Variants in NXPE1 observed in about 807,000 individuals in gnomAD.
NXPE1 encodes the protein NXPE family member 1.
In NXPE1, 31 loss-of-function variants were observed where a neutral mutation model predicts 33.3. That is an observed-to-expected ratio of 0.93 (90% CI 0.70 to 1.26). NXPE1 has a LOEUF of 1.26. Among genes scored for constraint, NXPE1 ranks in the 50% most tolerant of loss-of-function variants. NXPE1 has a pLI of 0.00. For synonymous variants in NXPE1, 229 were observed against 231.4 expected (o/e 0.99, Z 0.09); for missense variants, 661 against 655.6 (o/e 1.01, Z -0.09).
chr11:114,551,047 C>T (rs76481835), intron 5 of NXPE1, 56 bp downstream of exon 5: 20 of 931,934 alleles, frequency 2.1e-5, no homozygotes, highest in African/African-American at 1.5e-4. Flanking sequence ...ACTTGAGGCA[C>T]GTCACACAGG....
At chr11:114,522,115 A>G in exon 9 of NXPE1, 2 of 1,614,126 alleles carry the variant, frequency 1.2e-6, no homozygotes, top group Non-Finnish European at 1.7e-6. Flanking sequence ...TCATGATAAG[A>G]TAGTGAATAT....
chr11:114,524,792 T>A (rs1947319379), intron 7 of NXPE1, among the ~76,000 whole-genome samples: 1 of 152,184 alleles, frequency 6.6e-6, no homozygotes, highest in South Asian at 2.1e-4. Flanking sequence ...TTATAACAAA[T>A]TTGCTTATGA....
intron 1 of NXPE1, among the ~76,000 whole-genome samples, chr11:114,559,531 TAG>T (rs896731034): frequency 5.3e-5 from 8 of 152,162 alleles, no homozygotes; most frequent in Non-Finnish European, 1.2e-4. Flanking sequence ...GGTTGGTTAT[TAG>T]AGAAATATTT....
At chr11:114,551,204 C>A in exon 5 of NXPE1, 1 of 1,521,074 alleles carries the variant, frequency 6.6e-7, no homozygotes, top group South Asian at 1.2e-5. Flanking sequence ...GAGGACATGA[C>A]GAATGTCCTA....
At chr11:114,536,700 T>G (rs1947839552) in intron 5 of NXPE1, among the ~76,000 whole-genome samples, 1 of 152,224 alleles carries the variant, frequency 6.6e-6, no homozygotes, top group African/African-American at 2.4e-5. Flanking sequence ...GATAAATTCC[T>G]TGACACATAC....
intron 3 of NXPE1, 96 bp from the exon 4 acceptor site, chr11:114,551,537 C>G (rs74210190): frequency 1.8e-5 from 7 of 388,226 alleles, no homozygotes; most frequent in Non-Finnish European, 2.2e-5. Context: ...AAGCAGAAAA[C>G]TTAATTCATC....
chr11:114,544,182 A>G (rs1663348096), intron 5 of NXPE1, among the ~76,000 whole-genome samples: 1 of 152,202 alleles, frequency 6.6e-6, no homozygotes, highest in Non-Finnish European at 1.5e-5. Context: ...TTGATTCAAT[A>G]CCATTTCAAT....
intron 6 of NXPE1, chr11:114,529,914 T>C (rs1947513619): frequency 2.3e-6 from 1 of 428,280 alleles, no homozygotes; most frequent in African/African-American, 2.0e-5. Context: ...CATACACTTA[T>C]CAAGGAATCT....
intron 5 of NXPE1, among the ~76,000 whole-genome samples, chr11:114,539,569 T>C (rs2135037365): frequency 6.6e-6 from 1 of 152,322 alleles, no homozygotes; most frequent in South Asian, 2.1e-4. Flanking sequence ...CTTAACATGA[T>C]AAAGTTGTTA....
chr11:114,537,082 G>A (rs143022243), intron 5 of NXPE1, among the ~76,000 whole-genome samples: 2,085 of 152,168 alleles, frequency 0.014, 50 homozygotes, highest in African/African-American at 0.048. Flanking sequence ...CTTATCCACC[G>A]TGATCAAATG....
At position 114,558,324 on chromosome 11, in the gene NXPE1, G is replaced by T. The variant is rs373474426; in HGVS notation, c.-211+1474C>A. 1.2e-4 allele frequency among the ~76,000 whole-genome samples: 18 copies of T among 151,936 alleles called. No homozygotes were observed. In the East Asian group the frequency reaches 1.3e-3, roughly 11 times the overall value. On this transcript the variant is annotated intron_variant, in intron 1 of 8. Coordinates refer to ENST00000534921, the Ensembl canonical transcript of NXPE1. ...GAAATGCAAGTGCTTTATTTTAATAGTGCTTTTATATAGGCACACATAGAG... is the reference window on the plus strand; with the variant it reads ...GAAATGCAAGTGCTTTATTTTAATATTGCTTTTATATAGGCACACATAGAG...
At chr11:114,523,726 G>A (rs1419064844) in intron 7 of NXPE1, among the ~76,000 whole-genome samples, 5 of 152,150 alleles carry the variant, frequency 3.3e-5, no homozygotes, top group Non-Finnish European at 7.4e-5. Flanking sequence ...CAGGTAGGTA[G>A]CAGTGAAGCA....
At chr11:114,533,870 A>G (rs920858743) in intron 5 of NXPE1, among the ~76,000 whole-genome samples, 1 of 152,342 alleles carries the variant, frequency 6.6e-6, no homozygotes, top group African/African-American at 2.4e-5. Context: ...CAGGGCACAG[A>G]CAAACAAAAG....
chr11:114,533,806 G>A (rs1947683391), intron 5 of NXPE1, among the ~76,000 whole-genome samples: 2 of 152,354 alleles, frequency 1.3e-5, no homozygotes, highest in South Asian at 2.1e-4. Context: ...ACTGGGTGGA[G>A]CCCACCACAG....
intron 5 of NXPE1, among the ~76,000 whole-genome samples, chr11:114,540,869 T>C (rs1948072519): frequency 1.2e-5 from 1 of 83,928 alleles, no homozygotes; most frequent in Admixed American, 1.3e-4. Context: ...TTTTTTTTTT[T>C]TTTTTTTTTT....
chr11:114,521,071 T>C (rs1203084477), downstream of NXPE1, among the ~76,000 whole-genome samples: 1 of 152,362 alleles, frequency 6.6e-6, no homozygotes, highest in Admixed American at 6.5e-5. Context: ...AAATGGTGCT[T>C]TCCTAATTCT....
chr11:114,537,830 C>G (rs1306013295), intron 5 of NXPE1, among the ~76,000 whole-genome samples: 1 of 151,744 alleles, frequency 6.6e-6, no homozygotes, highest in African/African-American at 2.4e-5. Context: ...TAGGAAGAAT[C>G]AGTATCATGA....
intron 1 of NXPE1, chr11:114,554,321 A>G: frequency 3.0e-6 from 3 of 984,928 alleles, no homozygotes; most frequent in Non-Finnish European, 3.6e-6. Flanking sequence ...TACCTCCTCC[A>G]GGTTCTCTTT....
At chr11:114,534,562 A>G (rs1479841398) in intron 5 of NXPE1, among the ~76,000 whole-genome samples, 1 of 152,236 alleles carries the variant, frequency 6.6e-6, no homozygotes, top group Non-Finnish European at 1.5e-5. Flanking sequence ...ATGGATAACT[A>G]GAATAATCAA....
Sources: allele counts gnomAD v4.1 joint callset (sites outside exome capture counted in the v4.1 genomes callset), GRCh38; gene constraint gnomAD v4.1.1; transcripts MANE v1.5; gene names NCBI Gene and HGNC (gene_info 2026-07-23, HGNC 2026-07-21).